Variants in KCNB2 observed in about 807,000 individuals in gnomAD.
KCNB2 encodes potassium voltage-gated channel subfamily B member 2, also known as delayed rectifier potassium channel protein.
A neutral mutation model predicts 61.5 loss-of-function variants in KCNB2; 15 were observed. The observed-to-expected ratio is 0.24, with a 90% CI of 0.16 to 0.38. The LOEUF is 0.38. Ranked by LOEUF, KCNB2 falls within the 10% of genes least tolerant of loss-of-function variation. The pLI, the probability that KCNB2 is intolerant of heterozygous loss-of-function variation, is 1.00. For missense variants in KCNB2, 828 were observed against 1,125.2 expected, an observed-to-expected ratio of 0.74 and a Z score of 3.78; for synonymous variants, 457 against 446.0, an observed-to-expected ratio of 1.02 and a Z score of -0.31.
chr8:72,868,621 A>G (rs10104536), intron 2 of KCNB2, among the ~76,000 whole-genome samples: 1 of 151,666 alleles, frequency 6.6e-6, no homozygotes, highest in African/African-American at 2.4e-5. Flanking sequence ...ACCAAAAAAA[A>G]CCCAAAAAAG....
chr8:72,830,226 CCAAAAAAA>C (rs1563397595), intron 2 of KCNB2, among the ~76,000 whole-genome samples: 1 of 34,328 alleles, frequency 2.9e-5, no homozygotes. Flanking sequence ...TTCATATTTT[CCAAAAAAA>C]AAAAAAAAAA....
intron 2 of KCNB2, among the ~76,000 whole-genome samples, chr8:72,788,386 A>G (rs1483426760): frequency 6.6e-6 from 1 of 152,148 alleles, no homozygotes; most frequent in African/African-American, 2.4e-5. Flanking sequence ...TTGTGCGCAC[A>G]TAAAGAAAAG....
At chr8:72,604,628 T>C (rs772667337) in intron 2 of KCNB2, among the ~76,000 whole-genome samples, 1 of 152,262 alleles carries the variant, frequency 6.6e-6, no homozygotes, top group Non-Finnish European at 1.5e-5. Context: ...TGAAGTGTCA[T>C]GAACATACTA....
intron 2 of KCNB2, among the ~76,000 whole-genome samples, chr8:72,747,149 G>C (rs139375390): frequency 1.3e-5 from 2 of 152,156 alleles, no homozygotes; most frequent in African/African-American, 2.4e-5. Context: ...AGCCCCAGGG[G>C]CTGTGTCAGG....
At chr8:72,701,422 G>A (rs2196904) in intron 2 of KCNB2, among the ~76,000 whole-genome samples, 107,925 of 151,922 alleles carry the variant, frequency 0.71, 39,276 homozygotes, top group African/African-American at 0.86. Context: ...TAATGACAAA[G>A]TTATCTATTC....
intron 2 of KCNB2, among the ~76,000 whole-genome samples, chr8:72,718,347 A>G (rs910445234): frequency 3.9e-5 from 6 of 152,186 alleles, no homozygotes; most frequent in African/African-American, 1.4e-4. Flanking sequence ...TCATGCTGCT[A>G]TAAAGACACA....
intron 2 of KCNB2, among the ~76,000 whole-genome samples, chr8:72,813,241 G>C (rs1346998981): frequency 6.6e-6 from 1 of 152,202 alleles, no homozygotes; most frequent in Non-Finnish European, 1.5e-5. Context: ...CTCATGAGAA[G>C]GGCAAGCAAA....
At position 72,873,291 on chromosome 8, in the gene KCNB2, G is replaced by A. The variant is rs1199552008; in HGVS notation, c.580-62644G>A. 5.3e-5 allele frequency among the ~76,000 whole-genome samples: 8 copies of A among 152,304 alleles called. No homozygotes were observed. The East Asian group carries it at 1.5e-3, about 29-fold the overall frequency. ...GATTAAGGCTGCTTCATTGGTGAAC[G>A]GCAAGGCAGTACACAAATGCAAGTC... On this transcript the variant is annotated intron_variant, in intron 2 of 2. Transcript: ENST00000523207.
At chr8:72,713,540 A>G (rs1807364456) in intron 2 of KCNB2, among the ~76,000 whole-genome samples, 1 of 152,228 alleles carries the variant, frequency 6.6e-6, no homozygotes, top group Non-Finnish European at 1.5e-5. Flanking sequence ...GCTGATACCC[A>G]GGAAAACAGG....
intron 2 of KCNB2, among the ~76,000 whole-genome samples, chr8:72,737,987 A>G (rs556693769): frequency 7.9e-5 from 12 of 152,294 alleles, no homozygotes; most frequent in Admixed American, 2.6e-4. Context: ...TGCACCATGC[A>G]TGTATAATCC....
chr8:72,668,068 A>G (rs186495341), intron 2 of KCNB2, among the ~76,000 whole-genome samples: 20 of 152,372 alleles, frequency 1.3e-4, no homozygotes, highest in African/African-American at 4.1e-4. Flanking sequence ...AATCAACAAA[A>G]GAAAAAGACA....
chr8:72,543,409 A>G (rs1806217872), intron 1 of KCNB2, among the ~76,000 whole-genome samples: 1 of 152,220 alleles, frequency 6.6e-6, no homozygotes, highest in Admixed American at 6.5e-5. Context: ...AGATGATAAT[A>G]TTCAATTGAA....
intron 2 of KCNB2, among the ~76,000 whole-genome samples, chr8:72,679,662 A>G (rs1806720658): frequency 6.6e-6 from 1 of 152,224 alleles, no homozygotes; most frequent in African/African-American, 2.4e-5. Context: ...CAGTTAAATT[A>G]TCTATATTTT....
intron 2 of KCNB2, among the ~76,000 whole-genome samples, chr8:72,665,208 T>C (rs937726798): frequency 1.3e-5 from 2 of 152,176 alleles, no homozygotes; most frequent in African/African-American, 4.8e-5. Flanking sequence ...TAAGTAGACA[T>C]GTGGCATTTG....
intron 2 of KCNB2, among the ~76,000 whole-genome samples, chr8:72,696,382 A>G (rs1159440183): frequency 6.6e-6 from 1 of 152,176 alleles, no homozygotes; most frequent in Non-Finnish European, 1.5e-5. Context: ...ATTAAGGAAA[A>G]CATTAATCTC....
intron 2 of KCNB2, among the ~76,000 whole-genome samples, chr8:72,716,279 A>G (rs1379148594): frequency 6.6e-6 from 1 of 152,150 alleles, no homozygotes; most frequent in Non-Finnish European, 1.5e-5. Context: ...TCCAATCAAT[A>G]GAAAAACAGG....
intron 2 of KCNB2, among the ~76,000 whole-genome samples, chr8:72,603,699 A>G (rs199623225): frequency 2.0e-5 from 3 of 152,148 alleles, no homozygotes; most frequent in East Asian, 3.9e-4. Flanking sequence ...AAAACTCAGA[A>G]TGTGACAGTA....
chr8:72,673,070 G>A (rs1200357472), intron 2 of KCNB2, among the ~76,000 whole-genome samples: 1 of 152,148 alleles, frequency 6.6e-6, no homozygotes, highest in Non-Finnish European at 1.5e-5. Flanking sequence ...ATTGAAAGCA[G>A]GGACTCAAAC....
intron 2 of KCNB2, among the ~76,000 whole-genome samples, chr8:72,915,562 T>TG (rs1022280856): frequency 1.1e-4 from 17 of 151,900 alleles, no homozygotes; most frequent in Admixed American, 4.6e-4. Flanking sequence ...ATATTAGAAC[T>TG]GGGGGGGAAA....
Sources: gnomAD v4.1 joint callset for allele counts (sites outside exome capture counted in the v4.1 genomes callset) on GRCh38, gnomAD v4.1.1 for gene constraint, MANE v1.5 for transcripts, NCBI Gene and HGNC (gene_info 2026-07-23, HGNC 2026-07-21) for gene names.